The following CBARP variants were observed in gnomAD, a reference collection of about 807,000 sequenced individuals.
CBARP encodes the protein CACN subunit beta associated regulatory protein, also known as voltage-dependent calcium channel beta subunit-associated regulatory protein.
Under a neutral mutation model 36.3 loss-of-function variants are expected in CBARP, and 24 were observed. The observed-to-expected ratio is 0.66, with a 90% CI of 0.48 to 0.93. CBARP has a LOEUF of 0.93. Among genes scored for constraint, CBARP ranks in the 40% least tolerant of loss-of-function variants. CBARP has a pLI of 0.00. For synonymous variants in CBARP, 586 were observed against 453.2 expected, an observed-to-expected ratio of 1.29 and a Z score of -3.72; for missense variants, 1,146 against 980.4, an observed-to-expected ratio of 1.17 and a Z score of -2.26.
intron 5 of CBARP, 89 bp downstream of exon 5, chr19:1,234,912 C>T (rs2080944406): frequency 3.9e-6 from 6 of 1,519,142 alleles, no homozygotes; most frequent in East Asian, 4.7e-5. Context: ...GCCTTGGTCC[C>T]TGCAGCCTCC....
At chr19:1,238,391 C>G (rs1341955496), upstream of CBARP, 6 of 152,608 alleles carry the variant, frequency 3.9e-5, no homozygotes, top group Non-Finnish European at 8.8e-5. Context: ...GCCCCGCCTG[C>G]TTCCCCACGC....
chr19:1,234,127 G>C, intron 7 of CBARP, 64 bp downstream of exon 7: 2 of 1,427,882 alleles, frequency 1.4e-6, no homozygotes, highest in Non-Finnish European at 1.8e-6. Context: ...CCTGGACTGG[G>C]GACAGGGAGG....
chr19:1,235,871 C>T lies in CBARP; in HGVS notation c.153G>A (p.Val51=). 6.2e-7 allele frequency: 1 copy of T among 1,612,278 alleles called. No individual in the cohort carries two copies. The highest frequency in any genetic ancestry group is 8.5e-7 in the Non-Finnish European group (1 of 1,179,930). The part of the protein sequence containing the change: ...ILDNYVLLVV[V]MSLFVGGTLV... ...GCGTGCCCCCCACGAACAGCGACAT[C>T]ACCACCACCAGCAGCACGTAGTTGT... Residue 51 remains valine, a synonymous_variant, in exon 3 of 10, where the codon GTG becomes GTA. Coordinates refer to ENST00000650044, the MANE Select transcript of CBARP (RefSeq NM_001393918.1).
At position 1,237,296 on chromosome 19, in the gene CBARP, T is replaced by A. The variant is rs531216638; in HGVS notation, c.-22+460A>T. On this transcript the variant is annotated intron_variant, in intron 1 of 9. Coordinates refer to ENST00000650044, the MANE Select transcript of CBARP (RefSeq NM_001393918.1). ...TGGTACTGGGGGAAGGGGCCGCATA[T>A]GTAGGTCGGGAAATGAGTTCAGGCT... Among the ~76,000 whole-genome samples, 294 of 151,690 alleles carry A rather than the reference T, an allele frequency of 1.9e-3. 1 individual carries two copies. The highest frequency in any genetic ancestry group is 3.4e-3 in the Non-Finnish European group (230 of 67,846).
chr19:1,234,023 C>T (rs541746767), intron 7 of CBARP, among the ~76,000 whole-genome samples, 168 bp downstream of exon 7: 55 of 152,284 alleles, frequency 3.6e-4, no homozygotes, highest in Admixed American at 2.5e-3. Flanking sequence ...CGCCTGTGTC[C>T]GGTGTGCGGC....
rs1284139032 is a variant in CBARP at position 1,228,944 on chromosome 19, A to T, written c.*235T>A. The stretch of plus-strand genomic sequence containing the variant: ...CCGCGGCCCGCGCCTCACGACGCCC[A>T]GCACCCGGCAAGCACCGGAAAGAGC... On this transcript the variant is annotated 3_prime_UTR_variant, in exon 10 of 10. Transcript: ENST00000650044. The T allele has an allele frequency of 6.8e-6, 1 of 148,094 alleles. No homozygotes were observed. Among genetic ancestry groups the T allele is most frequent in the African/African-American group, 2.4e-5 (1 of 40,964 alleles). 9.2% of individuals were successfully genotyped at this position (148,094 alleles called of 1,614,324 possible).
chr19:1,233,347 T>C, intron 8 of CBARP, 79 bp downstream of exon 8: 1 of 1,376,736 alleles, frequency 7.3e-7, no homozygotes, highest in Non-Finnish European at 9.8e-7. Flanking sequence ...AACCTCCTGC[T>C]CCTGGATGTC....
intron 9 of CBARP, chr19:1,230,711 T>G: frequency 7.8e-7 from 1 of 1,281,016 alleles, no homozygotes; most frequent in African/African-American, 1.5e-5. Flanking sequence ...GGGGTGCTGC[T>G]GGCCGGAGTG....
rs989236329 is a variant in CBARP, at chr19:1,229,471, G to C, written c.1826C>G (p.Ala609Gly). 1.6e-5 allele frequency: 16 copies of C among 979,060 alleles called. No homozygotes were observed. The highest frequency in any genetic ancestry group is 1.7e-5 in the Non-Finnish European group (14 of 827,642). The allele number at this position is 979,060 out of a possible 1,614,324, so 60.6% of individuals were successfully genotyped here. A position where few individuals can be genotyped will look rare whatever the true frequency, so the allele number is the denominator to read the frequency against. The change falls in exon 10 of 10, where the codon GCC becomes GGC. Residue 609 changes from alanine (A) to glycine (G), a missense_variant. Physicochemically the swap from Ala to Gly is moderately conservative, Grantham distance 60. Coordinates refer to ENST00000650044, the MANE Select transcript of CBARP (RefSeq NM_001393918.1). The surrounding 1 kb of genome is among the most constrained non-coding windows in gnomAD (Gnocchi z 5.1). ...CCGCAAGGGCGCACGCGCGGGTCGG[G>C]CCGCGCCGGCAGGCGGTGCCGGGGT... Reference protein sequence around the residue: ...AGTPAPPAGAARPARAPLRRG... With the variant: ...AGTPAPPAGAGRPARAPLRRG...
intron 8 of CBARP, among the ~76,000 whole-genome samples, chr19:1,232,330 C>T (rs1345141511): frequency 6.6e-6 from 1 of 152,100 alleles, no homozygotes; most frequent in Non-Finnish European, 1.5e-5. Context: ...GAGAACTCAC[C>T]CCACCCCCGC....
Position 1,229,737 on chromosome 19 carries a change from A to C in CBARP, c.1560T>G (p.Pro520=). The C allele has an allele frequency of 1.0e-6, 1 of 986,110 alleles. No homozygotes were observed. Among genetic ancestry groups the C allele is most frequent in the Non-Finnish European group, 1.2e-6 (1 of 831,020 alleles). The allele number at this position is 986,110 out of a possible 1,614,324, so 61.1% of individuals were successfully genotyped here. A position where few individuals can be genotyped will look rare whatever the true frequency, so the allele number is the denominator to read the frequency against. ...GGCTGCGGGGCCGGGCGGGCGCGGC[A>C]GGTGGCTCGGTGTCGTCGCCTGCGC... ...GRGAGDDTEP[P]AAPARPRSPR... Residue 520 remains proline, a synonymous_variant, in exon 10 of 10, where the codon CCT becomes CCG. Coordinates refer to ENST00000650044, the MANE Select transcript of CBARP (RefSeq NM_001393918.1). The surrounding 1 kb of genome is among the most constrained non-coding windows in gnomAD (Gnocchi z 5.1).
intron 5 of CBARP, 112 bp from the exon 6 acceptor site, chr19:1,234,854 C>T: frequency 6.6e-7 from 1 of 1,509,506 alleles, no homozygotes; most frequent in Non-Finnish European, 8.9e-7. Context: ...GAAAGGGGGG[C>T]AACTGGCCAA....
Position 1,234,677 on chromosome 19 carries a change from G to GGCAGGT in CBARP, c.515_520dup (p.His172_Leu173dup). On this transcript the variant is annotated inframe_insertion, in exon 6 of 10. Coordinates refer to ENST00000650044, the MANE Select transcript of CBARP (RefSeq NM_001393918.1). ...GTGGATGGTGACAATCTTGAGGGGC[G>GGCAGGT]GCAGGTGCAGGTGCGTGAGCCGGGC... 6.2e-7 allele frequency: 1 copy of GGCAGGT among 1,612,802 alleles called. No individual in the cohort carries two copies. Among genetic ancestry groups the GGCAGGT allele is most frequent in the Non-Finnish European group, 8.5e-7 (1 of 1,179,680 alleles).
intron 3 of CBARP, 91 bp downstream of exon 3, chr19:1,235,686 CTG>C: frequency 6.3e-7 from 1 of 1,597,350 alleles, no homozygotes; most frequent in Non-Finnish European, 8.5e-7. Flanking sequence ...ATAGCCCACC[CTG>C]TGACTCAGAA....
intron 8 of CBARP, 145 bp downstream of exon 8, chr19:1,233,281 C>A (rs764578967): frequency 1.1e-6 from 1 of 884,686 alleles, no homozygotes; most frequent in Non-Finnish European, 1.7e-6. Context: ...GCAGCACGCC[C>A]GCTGGCAGAC....
chr19:1,235,602 G>A, intron 3 of CBARP, 37 bp from the exon 4 acceptor site: 3 of 1,596,706 alleles, frequency 1.9e-6, no homozygotes, highest in Non-Finnish European at 2.6e-6. Context: ...TGGCACGGAG[G>A]GCCCAGATAG....
Position 1,230,047 on chromosome 19 carries a change from A to C in CBARP, c.1250T>G (p.Leu417Arg). 8.2e-7 allele frequency: 1 copy of C among 1,214,312 alleles called. No individual in the cohort carries two copies. The highest frequency in any genetic ancestry group is 1.7e-5 in the African/African-American group (1 of 60,238). The allele number at this position is 1,214,312 out of a possible 1,614,324, so 75.2% of individuals were successfully genotyped here. Residue 417 changes from leucine (L) to arginine (R), a missense_variant, in exon 10 of 10, where the codon CTG becomes CGG. Physicochemically the swap from Leu to Arg is moderately radical, Grantham distance 102. Transcript: ENST00000650044. Reference sequence around the variant, plus strand: ...CGCGTCCCGCTCGGCGTCCGGCTCCAGTGGCGGCTGCTGCTGCTCAGGCCC... The same window carrying C: ...CGCGTCCCGCTCGGCGTCCGGCTCCCGTGGCGGCTGCTGCTGCTCAGGCCC... ...SAGPEQQQPP[L>R]EPDAERDAGP...
chr19:1,235,698 A>G, intron 3 of CBARP, 81 bp downstream of exon 3: 1 of 1,601,058 alleles, frequency 6.2e-7, no homozygotes, highest in Non-Finnish European at 8.5e-7. Flanking sequence ...GTGACTCAGA[A>G]GCCAGTGAGG....
Position 1,228,505 on chromosome 19 carries a change from A to T in CBARP, c.*674T>A. 5.4e-6 allele frequency: 1 copy of T among 186,190 alleles called. No individual in the cohort carries two copies. The highest frequency in any genetic ancestry group is 1.1e-5 in the Non-Finnish European group (1 of 88,278). The allele number at this position is 186,190 out of a possible 1,614,324, so 11.5% of individuals were successfully genotyped here. A position where few individuals can be genotyped will look rare whatever the true frequency, so the allele number is the denominator to read the frequency against. On this transcript the variant is annotated 3_prime_UTR_variant, in exon 10 of 10. Coordinates refer to ENST00000650044, the MANE Select transcript of CBARP (RefSeq NM_001393918.1). ...CGGGGCGGGCGCCGTTGACATGCGG[A>T]GGGCAGTGGGGACTCGGGGCGCGGG... is the stretch of plus-strand genomic sequence containing the variant.
Sources: allele counts gnomAD v4.1 joint callset (sites outside exome capture counted in the v4.1 genomes callset), GRCh38; gene constraint gnomAD v4.1.1; non-coding constraint Gnocchi (gnomAD v3.1); transcripts MANE v1.5; gene names NCBI Gene and HGNC (gene_info 2026-07-23, HGNC 2026-07-21).